Variants in SYT15 observed in about 807,000 individuals in gnomAD.
SYT15 encodes the protein synaptotagmin-15.
SYT15 carries 4 observed loss-of-function variants against 30.1 expected under a neutral mutation model. The observed-to-expected ratio is 0.13, with a 90% confidence interval of 0.07 to 0.30. The LOEUF (loss-of-function observed/expected upper bound fraction) is 0.30, where lower values mean the gene tolerates loss of function less well. Ranked by LOEUF, SYT15 falls within the 10% of genes least tolerant of loss-of-function variation. SYT15 has a pLI of 1.00. For synonymous variants in SYT15, 19 were observed against 166.3 expected, an observed-to-expected ratio of 0.11 and a Z score of 6.82; for missense variants, 49 against 371.7, an observed-to-expected ratio of 0.13 and a Z score of 7.14.
chr10:46,596,295 T>A (rs576806164), downstream of SYT15: 12 of 152,070 alleles, frequency 7.9e-5, no homozygotes, highest in Admixed American at 7.2e-4. Context: ...TGTGGAAATC[T>A]TTGCCCAAAT....
chr10:46,580,818 C>T (rs1844113027), intron 2 of SYT15, 76 bp from the exon 3 acceptor site: 6 of 1,285,642 alleles, frequency 4.7e-6, no homozygotes, highest in Non-Finnish European at 6.2e-6. Context: ...CCCTGGTGCT[C>T]AACCGTCCTG....
chr10:46,590,459 C>T lies in SYT15; in HGVS notation c.*2812C>T. The T allele has an allele frequency of 1.3e-5, 1 of 74,918 alleles. No homozygotes were observed. The highest frequency in any genetic ancestry group is 4.5e-4 in the East Asian group (1 of 2,234). The allele number at this position is 74,918 out of a possible 1,614,324, so 4.6% of individuals were successfully genotyped here. A position where few individuals can be genotyped will look rare whatever the true frequency, so the allele number is the denominator to read the frequency against. ...GACAAGATAAAGAAATAAAAGTGATCCAGATCATAAAGAAAGAAGTAAAAC... is the reference window on the plus strand; with the variant it reads ...GACAAGATAAAGAAATAAAAGTGATTCAGATCATAAAGAAAGAAGTAAAAC... On this transcript the variant is annotated 3_prime_UTR_variant, in exon 8 of 8. Transcript: ENST00000374321.
At chr10:46,594,701 G>A (rs562398017), downstream of SYT15, among the ~76,000 whole-genome samples, 287 of 127,670 alleles carry the variant, frequency 2.2e-3, 25 homozygotes, top group Middle Eastern at 0.016. Flanking sequence ...GAAGGGAAAA[G>A]TAGTTCACAG....
chr10:46,580,176 TG>T lies in SYT15; in HGVS notation c.22del (p.Val8Ter). Reference protein sequence around the residue: MAEQLALVIGGTIGGLL... With the variant: MAEQLAXVIGGTIGGLL... ...TCTCTGCCCCCAGAGCAGCTGGCCC[TG>T]GTGATTGGGGGCACCATCGGGGGGC... On this transcript the variant is annotated frameshift_variant, in exon 2 of 8. Transcript: ENST00000374321. LOFTEE classifies it high-confidence loss of function. 7.8e-7 allele frequency: 1 copy of T among 1,286,810 alleles called. No individual in the cohort carries two copies. Among genetic ancestry groups the T allele is most frequent in the Non-Finnish European group, 1.0e-6 (1 of 969,364 alleles). 79.7% of individuals were successfully genotyped at this position (1,286,810 alleles called of 1,614,324 possible).
chr10:46,581,323 TGGAATTGGAACCCAGGCA>T (rs1244154366), intron 3 of SYT15, among the ~76,000 whole-genome samples: 2 of 100,132 alleles, frequency 2.0e-5, no homozygotes, highest in Non-Finnish European at 4.0e-5. Flanking sequence ...AGCAACAGAT[TGGAATTGGAACCCAGGCA>T]CGCCATGTAC....
chr10:46,588,741 G>A lies in SYT15; in HGVS notation c.*1094G>A. 1 of 764,810 alleles carries A rather than the reference G, an allele frequency of 1.3e-6. No individual in the cohort carries two copies. Among genetic ancestry groups the A allele is most frequent in the Non-Finnish European group, 1.6e-6 (1 of 644,836 alleles). The allele number at this position is 764,810 out of a possible 1,614,324, so 47.4% of individuals were successfully genotyped here. On this transcript the variant is annotated 3_prime_UTR_variant, in exon 8 of 8. Coordinates refer to ENST00000374321, the MANE Select transcript of SYT15 (RefSeq NM_031912.5). The stretch of plus-strand genomic sequence containing the variant: ...ACGGAGTTTCCCTCTTGTCACCCAG[G>A]CTGGAGTGCAATGGCGTGATCTCGG...
intron 5 of SYT15, 105 bp from the exon 6 acceptor site, chr10:46,584,390 C>G: frequency 1.5e-6 from 2 of 1,351,166 alleles, no homozygotes; most frequent in Non-Finnish European, 2.0e-6. Flanking sequence ...GCGGGTGTGT[C>G]GCATGGACCG....
Position 46,582,180 on chromosome 10 carries a change from T to C in SYT15, c.640T>C (p.Phe214Leu), listed in dbSNP as rs1844304474. ...KTSNPQFDEHFIFQVSSKTIT... is the reference protein window; with the variant it reads ...KTSNPQFDEHLIFQVSSKTIT... Reference sequence around the variant, plus strand: ...CTCCAACCCGCAGTTTGACGAGCACTTCATCTTTCAGGTACAGCCTCTGGA... The same window carrying C: ...CTCCAACCCGCAGTTTGACGAGCACCTCATCTTTCAGGTACAGCCTCTGGA... The change falls in exon 4 of 8, where the codon TTC becomes CTC. Residue 214 changes from phenylalanine (F) to leucine (L), a missense_variant. Transcript: ENST00000374321. 6.2e-7 allele frequency: 1 copy of C among 1,613,026 alleles called. No homozygotes were observed. Among genetic ancestry groups the C allele is most frequent in the Admixed American group, 1.7e-5 (1 of 59,982 alleles).
At chr10:46,586,833 G>T (rs1331903204) in intron 7 of SYT15, among the ~76,000 whole-genome samples, 1 of 13,584 alleles carries the variant, frequency 7.4e-5, no homozygotes, top group Non-Finnish European at 1.4e-4. Context: ...CACAGAGCGA[G>T]ACTCTGTCAA....
chr10:46,583,857 C>G lies in SYT15; in HGVS notation c.777C>G (p.Asp259Glu). The change falls in exon 5 of 8, where the codon GAC becomes GAG. Residue 259 changes from aspartate to glutamate, a missense_variant. Asp to Glu is a conservative substitution (Grantham distance 45, BLOSUM62 2). Transcript: ENST00000374321. ...TGAAGAATGAGACCCTAGTGGGGGA[C>G]TGCCGGCGTGTCATCTGGAGAGACC... is the stretch of plus-strand genomic sequence containing the variant. ...FPLKNETLVGDCRRVIWRDLE... is the reference protein window; with the variant it reads ...FPLKNETLVGECRRVIWRDLE... The G allele has an allele frequency of 5.2e-6, 8 of 1,553,128 alleles. 2 individuals are homozygous for G. Among genetic ancestry groups the G allele is most frequent in the Non-Finnish European group, 7.0e-6 (8 of 1,146,966 alleles).
In SYT15 at chr10:46,590,321, T is replaced by A. The variant is rs1845351557; in HGVS notation, c.*2674T>A. 1 of 12,428 alleles carries A rather than the reference T, an allele frequency of 8.0e-5. No individual in the cohort carries two copies. Among genetic ancestry groups the A allele is most frequent in the Admixed American group, 8.2e-4 (1 of 1,214 alleles). The allele number at this position is 12,428 out of a possible 1,614,324, so 0.8% of individuals were successfully genotyped here. ...TGACATTCATTTAAATTGTAATAAT[T>A]TGCAGATTATTTTTGTATAATCATG... On this transcript the variant is annotated 3_prime_UTR_variant, in exon 8 of 8. Transcript: ENST00000374321.
Position 46,580,836 on chromosome 10 carries a change from G to A in SYT15, c.213-58G>A, listed in dbSNP as rs559047619. On this transcript the variant is annotated intron_variant, in intron 2 of 7. Coordinates refer to ENST00000374321, the MANE Select transcript of SYT15 (RefSeq NM_031912.5). ...TGGTGCTCAACCGTCCTGGCTGAGC[G>A]CTCTGAGACCACACCATTGACTTGC... 27 of 1,409,332 alleles carry A rather than the reference G, an allele frequency of 1.9e-5. 3 individuals are homozygous for A. The highest frequency in any genetic ancestry group is 8.0e-5 in the African/African-American group (5 of 62,424). The allele number at this position is 1,409,332 out of a possible 1,614,324, so 87.3% of individuals were successfully genotyped here.
At chr10:46,586,704 G>A (rs1844991678) in intron 7 of SYT15, among the ~76,000 whole-genome samples, 1 of 133,202 alleles carries the variant, frequency 7.5e-6, no homozygotes, top group Non-Finnish European at 1.6e-5. Context: ...AGTTAGCTAG[G>A]CGTGGTGGTG....
chr10:46,584,278 T>A (rs1194941807), intron 5 of SYT15, among the ~76,000 whole-genome samples: 2 of 151,802 alleles, frequency 1.3e-5, no homozygotes, highest in Non-Finnish European at 1.5e-5. Flanking sequence ...GACCTGGGTG[T>A]GACTCCTTAG....
chr10:46,596,846 C>T, downstream of SYT15: 1 of 429,466 alleles, frequency 2.3e-6, no homozygotes, highest in Admixed American at 2.5e-5. Context: ...GAAGCTTAAA[C>T]TTAAAATGAA....
In SYT15 at chr10:46,588,063, CGAT is replaced by C. The variant is rs1379868901; in HGVS notation, c.*419_*421del. The stretch of plus-strand genomic sequence containing the variant: ...AAAGCTGATGATGTGTTCATGCAGT[CGAT>C]GACCCTCACTGCTTTTTCAGCCAGG... On this transcript the variant is annotated 3_prime_UTR_variant, in exon 8 of 8. Transcript: ENST00000374321. 6.3e-6 allele frequency: 1 copy of C among 158,802 alleles called. No individual in the cohort carries two copies. Among genetic ancestry groups the C allele is most frequent in the Non-Finnish European group, 1.1e-5 (1 of 93,866 alleles). The allele number at this position is 158,802 out of a possible 1,614,324, so 9.8% of individuals were successfully genotyped here. A position where few individuals can be genotyped will look rare whatever the true frequency, so the allele number is the denominator to read the frequency against.
chr10:46,586,557 AAG>A (rs1379987903), intron 7 of SYT15, among the ~76,000 whole-genome samples: 1 of 134,180 alleles, frequency 7.5e-6, no homozygotes, highest in Admixed American at 7.3e-5. Context: ...AAAAAAAAAA[AAG>A]AGGTTGGCTG....
At chr10:46,596,163 A>AC (rs1320300859), downstream of SYT15, 9 of 147,002 alleles carry the variant, frequency 6.1e-5, no homozygotes, top group African/African-American at 2.1e-4. Context: ...CCAAGGAGGA[A>AC]CCCCCCTACT....
downstream of SYT15, among the ~76,000 whole-genome samples, chr10:46,594,610 G>A (rs1451212531): frequency 7.0e-6 from 1 of 142,902 alleles, no homozygotes; most frequent in Non-Finnish European, 1.5e-5. Flanking sequence ...AGCTGAAGAC[G>A]ACTCTGCTGC....
Sources: gnomAD v4.1 joint callset for allele counts (sites outside exome capture counted in the v4.1 genomes callset) on GRCh38, gnomAD v4.1.1 for gene constraint, MANE v1.5 for transcripts, NCBI Gene and HGNC (gene_info 2026-07-23, HGNC 2026-07-21) for gene names.